ARID3A: variants seen among roughly 807,000 people sequenced by gnomAD.
ARID3A encodes AT-rich interactive domain-containing protein 3A.
In ARID3A, 11 loss-of-function variants were observed where a neutral mutation model predicts 52.7. The observed-to-expected ratio is 0.21, with a 90% CI of 0.13 to 0.35. The LOEUF (loss-of-function observed/expected upper bound fraction) is 0.35, where lower values mean the gene tolerates loss of function less well. Ranked by LOEUF, ARID3A falls within the 10% of genes least tolerant of loss-of-function variation. ARID3A has a pLI of 1.00. For synonymous variants in ARID3A, 404 were observed against 359.4 expected (o/e 1.12, Z -1.40); for missense variants, 721 against 838.5 (o/e 0.86, Z 1.73).
intron 3 of ARID3A, among the ~76,000 whole-genome samples, chr19:954,319 T>C (rs567457440): frequency 1.3e-5 from 2 of 152,042 alleles, no homozygotes; most frequent in African/African-American, 2.4e-5. Flanking sequence ...GGGGAGACGA[T>C]GGGCCCAGCC....
intron 4 of ARID3A, among the ~76,000 whole-genome samples, chr19:963,471 C>T (rs2038084959): frequency 6.6e-6 from 1 of 152,194 alleles, no homozygotes. Context: ...GTGGAGCTGA[C>T]ATCTGAAGCC....
At chr19:930,661 C>T (rs542377703) in intron 2 of ARID3A, among the ~76,000 whole-genome samples, 60 of 150,920 alleles carry the variant, frequency 4.0e-4, no homozygotes, top group Admixed American at 1.5e-3. Flanking sequence ...AGGCGCCCGC[C>T]ACCACGCCTG....
rs865991718 is a variant in ARID3A at position 964,417 on chromosome 19, C to T, written c.936C>T (p.Phe312=). 25 of 1,601,104 alleles carry T rather than the reference C, an allele frequency of 1.6e-5. 2 individuals are homozygous for T. In the Middle Eastern group the frequency reaches 4.2e-3, roughly 266 times the overall value. ...CCACGTCCATCACCAGTGCAGCCTT[C>T]ACCCTGCGGACCCAGTGAGTGGCGG... ...NLPTSITSAA[F]TLRTQYMKYL... is the part of the protein sequence containing the mutation. Residue 312 remains phenylalanine (F), a synonymous_variant, in exon 5 of 9, where the codon TTC becomes TTT. Transcript: ENST00000263620. This position sits in a 1 kb window ranked among gnomAD's most constrained non-coding sequence, Gnocchi z 5.7.
In ARID3A at chr19:932,496, TGAG is replaced by T. The variant is rs761028250; in HGVS notation, c.462_464del (p.Glu154del). 1,654 of 1,509,872 alleles carry T rather than the reference TGAG, an allele frequency of 1.1e-3. 1 individual carries two copies. The highest frequency in any genetic ancestry group is 2.8e-3 in the Admixed American group (124 of 44,738). The allele number at this position is 1,509,872 out of a possible 1,614,324, so 93.5% of individuals were successfully genotyped here. The stretch of plus-strand genomic sequence containing the variant: ...AGGAGGAGGAGGAGGATTACGAGGA[TGAG>T]GAGGAGGAGGAGGACGAGGAGGGGC... On this transcript the variant is annotated inframe_deletion, in exon 3 of 9. Coordinates refer to ENST00000263620, the MANE Select transcript of ARID3A (RefSeq NM_005224.3).
intron 3 of ARID3A, among the ~76,000 whole-genome samples, chr19:939,673 G>A (rs758207): frequency 0.046 from 6,986 of 152,122 alleles, 343 homozygotes; most frequent in African/African-American, 0.13. Flanking sequence ...GTGCGTTCGC[G>A]TCGTAATTGG....
At chr19:932,767 G>C in intron 3 of ARID3A, 25 bp downstream of exon 3, 1 of 1,546,072 alleles carries the variant, frequency 6.5e-7, no homozygotes, top group African/African-American at 1.4e-5. Flanking sequence ...CCCGCGTGGC[G>C]GCTGAGGCAC....
chr19:955,921 C>A (rs1031480353), intron 3 of ARID3A, among the ~76,000 whole-genome samples: 1 of 152,134 alleles, frequency 6.6e-6, no homozygotes, highest in Non-Finnish European at 1.5e-5. Flanking sequence ...AAAATCGAGG[C>A]GTCCGCAGGG....
At chr19:971,112 AAC>A (rs1391390175) in intron 8 of ARID3A, among the ~76,000 whole-genome samples, 1 of 152,180 alleles carries the variant, frequency 6.6e-6, no homozygotes, top group Non-Finnish European at 1.5e-5. Context: ...GTGTGGATTA[AAC>A]ACACGTGTGT....
At chr19:933,027 G>A (rs998688876) in intron 3 of ARID3A, among the ~76,000 whole-genome samples, 4 of 152,206 alleles carry the variant, frequency 2.6e-5, no homozygotes, top group African/African-American at 9.6e-5. Flanking sequence ...GAGATGGAAA[G>A]GTGGGCCTGG....
chr19:948,129 T>C (rs2037726660), intron 3 of ARID3A, among the ~76,000 whole-genome samples: 1 of 151,860 alleles, frequency 6.6e-6, no homozygotes, highest in Admixed American at 6.6e-5. Flanking sequence ...GGGCCGCCTG[T>C]CCCCTGGTGT....
At chr19:954,932 T>TGC (rs2037885928) in intron 3 of ARID3A, among the ~76,000 whole-genome samples, 1 of 151,124 alleles carries the variant, frequency 6.6e-6, no homozygotes. Flanking sequence ...TGGAGGGGAG[T>TGC]GCGGGCCGCT....
chr19:944,294 C>T lies in ARID3A; in HGVS notation c.693+11552C>T, dbSNP rs1205398250. Among the ~76,000 whole-genome samples, 5 of 152,038 alleles carry T rather than the reference C, an allele frequency of 3.3e-5. No individual in the cohort carries two copies. The highest frequency in any genetic ancestry group is 1.9e-4 in the East Asian group (1 of 5,176). The stretch of plus-strand genomic sequence containing the variant: ...TTATCTCCCAGGCGTGTCTGCTCCC[C>T]GTGTGTCTGGCTGCAGGGGCGCGTC... On this transcript the variant is annotated intron_variant, in intron 3 of 8. Transcript: ENST00000263620. The surrounding 1 kb of genome is among the most constrained non-coding windows in gnomAD (Gnocchi z 5.9).
chr19:956,051 C>T (rs377252498), intron 3 of ARID3A, among the ~76,000 whole-genome samples: 4 of 152,170 alleles, frequency 2.6e-5, no homozygotes, highest in Admixed American at 6.5e-5. Context: ...CAGTGCCCAC[C>T]GGCCTTCACT....
chr19:937,286 G>T (rs960135478), intron 3 of ARID3A, among the ~76,000 whole-genome samples: 3 of 152,170 alleles, frequency 2.0e-5, no homozygotes, highest in African/African-American at 7.2e-5. Context: ...ACAAAGAAAA[G>T]AAATGGGATC....
At chr19:967,726 T>A (rs1299533734) in intron 7 of ARID3A, among the ~76,000 whole-genome samples, 1 of 152,064 alleles carries the variant, frequency 6.6e-6, no homozygotes, top group Non-Finnish European at 1.5e-5. Context: ...AAACAGAACA[T>A]GTCACAGGTG....
At chr19:939,936 A>G (rs915186684) in intron 3 of ARID3A, among the ~76,000 whole-genome samples, 2 of 152,126 alleles carry the variant, frequency 1.3e-5, no homozygotes, top group Non-Finnish European at 2.9e-5. Context: ...GGTGGGAGAC[A>G]GAGCTGGATG....
At position 966,593 on chromosome 19, in the gene ARID3A, T is replaced by C. The variant is rs1340053626; in HGVS notation, c.1220T>C (p.Ile407Thr). Reference sequence around the variant, plus strand: ...CTAGAGGAGGACTCAGCCATCCCCATCACAGTCCCTGGCCGCCTGCCTGTG... The same window carrying C: ...CTAGAGGAGGACTCAGCCATCCCCACCACAGTCCCTGGCCGCCTGCCTGTG... Reference protein sequence around the residue: ...IKKEEDSAIPITVPGRLPVSL... With the variant: ...IKKEEDSAIPTTVPGRLPVSL... The change falls in exon 7 of 9, where the codon ATC becomes ACC. Residue 407 changes from isoleucine to threonine, a missense_variant. By Grantham distance (89) the Ile-to-Thr change is moderately conservative (BLOSUM62 -1). Coordinates refer to ENST00000263620, the MANE Select transcript of ARID3A (RefSeq NM_005224.3). The C allele has an allele frequency of 1.9e-6, 3 of 1,569,476 alleles. No homozygotes were observed. In the South Asian group the frequency reaches 3.5e-5, roughly 18 times the overall value.
chr19:945,642 G>T (rs1245184143), intron 3 of ARID3A, among the ~76,000 whole-genome samples: 1 of 152,162 alleles, frequency 6.6e-6, no homozygotes, highest in Non-Finnish European at 1.5e-5. Context: ...CACCAGGGAG[G>T]GCCCTTCCTC....
chr19:945,430 A>G (rs1599399955), intron 3 of ARID3A, among the ~76,000 whole-genome samples: 1 of 150,990 alleles, frequency 6.6e-6, no homozygotes, highest in South Asian at 2.1e-4. Context: ...CCTAGCGGGG[A>G]GGTGTCCAGG....
Sources: allele counts gnomAD v4.1 joint callset (sites outside exome capture counted in the v4.1 genomes callset), GRCh38; gene constraint gnomAD v4.1.1; non-coding constraint Gnocchi (gnomAD v3.1); transcripts MANE v1.5; gene names NCBI Gene and HGNC (gene_info 2026-07-23, HGNC 2026-07-21).